EP400: variants seen among roughly 807,000 people sequenced by gnomAD.
EP400 encodes E1A binding protein p400.
A neutral mutation model predicts 354.1 loss-of-function variants in EP400; 105 were observed. That is an observed-to-expected ratio of 0.30 (90% CI 0.25 to 0.35). The LOEUF is 0.35. EP400 is among the 10% of genes least tolerant of loss of function. The pLI is 1.00. For missense variants in EP400, 3,280 were observed against 4,121.0 expected (o/e 0.80, Z 5.59); for synonymous variants, 1,646 against 1,716.9 (o/e 0.96, Z 1.02).
rs1190569267 is a variant in EP400, at chr12:132,013,708, T to C, written c.3786+44T>C. ...TTTCAGTTAATTAATTAAACATGCG[T>C]ATGCCTTGTTATAAACGTGTTACAG... On this transcript the variant is annotated intron_variant, in intron 18 of 52. Transcript: ENST00000389561. This position sits in a 1 kb window ranked among gnomAD's most constrained non-coding sequence, Gnocchi z 4.5. 2 of 1,608,478 alleles carry C rather than the reference T, an allele frequency of 1.2e-6. No individual in the cohort carries two copies. Among genetic ancestry groups the C allele is most frequent in the African/African-American group, 2.7e-5 (2 of 74,706 alleles).
intron 2 of EP400, among the ~76,000 whole-genome samples, chr12:131,964,805 GATAA>G (rs1892021457): frequency 6.6e-6 from 1 of 152,194 alleles, no homozygotes; most frequent in Non-Finnish European, 1.5e-5. Flanking sequence ...ACAGTACAGT[GATAA>G]ATATCAGGAA....
chr12:131,979,570 G>A (rs1892608722), intron 2 of EP400, 124 bp from the exon 3 acceptor site: 3 of 717,430 alleles, frequency 4.2e-6, no homozygotes, highest in Non-Finnish European at 6.7e-6. Flanking sequence ...AAGACACGGG[G>A]TAGATAACAT....
intron 10 of EP400, among the ~76,000 whole-genome samples, 153 bp from the exon 11 acceptor site, chr12:131,992,020 C>T (rs919475221): frequency 5.9e-5 from 9 of 152,234 alleles, no homozygotes; most frequent in South Asian, 2.1e-4. Flanking sequence ...CTCGCTCCCC[C>T]GCTGCCCTGC....
Position 132,050,885 on chromosome 12 carries a change from C to T in EP400, c.7394+230C>T, listed in dbSNP as rs1443453521. The T allele has an allele frequency of 2.0e-5, 12 of 591,650 alleles. No individual in the cohort carries two copies. The Admixed American group carries it at 3.6e-4, about 18-fold the overall frequency. The allele number at this position is 591,650 out of a possible 1,614,324, so 36.7% of individuals were successfully genotyped here. On this transcript the variant is annotated intron_variant, in intron 41 of 52. Coordinates refer to ENST00000389561, the MANE Select transcript of EP400 (RefSeq NM_015409.5). This position sits in a 1 kb window ranked among gnomAD's most constrained non-coding sequence, Gnocchi z 4.8. ...GTGTTACAGGGATTGTCCTTGCTGG[C>T]CCTCAGTGGGGAAAGACGCTGACAG...
At chr12:132,048,150 AATC>A (rs921824325) in intron 39 of EP400, among the ~76,000 whole-genome samples, 1 of 152,174 alleles carries the variant, frequency 6.6e-6, no homozygotes, top group African/African-American at 2.4e-5. Flanking sequence ...CAGTTAACAA[AATC>A]ATCACAGGGT....
At chr12:131,992,013 G>A (rs774195035) in intron 10 of EP400, among the ~76,000 whole-genome samples, 160 bp from the exon 11 acceptor site, 1 of 152,192 alleles carries the variant, frequency 6.6e-6, no homozygotes, top group South Asian at 2.1e-4. Flanking sequence ...TCATGTCCTC[G>A]CTCCCCCGCT....
At chr12:131,953,234 G>A (rs941275709) in intron 1 of EP400, among the ~76,000 whole-genome samples, 3 of 152,292 alleles carry the variant, frequency 2.0e-5, no homozygotes, top group African/African-American at 7.2e-5. Context: ...TTATACAGAT[G>A]TTCCTTAGCG....
chr12:131,995,201 C>G (rs773557066), intron 12 of EP400, among the ~76,000 whole-genome samples: 7 of 152,324 alleles, frequency 4.6e-5, no homozygotes, highest in Non-Finnish European at 8.8e-5. Flanking sequence ...CTGAATGTAC[C>G]GTTCATCTTG....
At position 132,025,104 on chromosome 12, in the gene EP400, C is replaced by G. The variant is rs745944603; in HGVS notation, c.4856-542C>G. Among the ~76,000 whole-genome samples the G allele has an allele frequency of 2.6e-5, 4 of 151,742 alleles. No homozygotes were observed. Among genetic ancestry groups the G allele is most frequent in the Admixed American group, 6.6e-5 (1 of 15,238 alleles). On this transcript the variant is annotated intron_variant, in intron 24 of 52. Transcript: ENST00000389561. The surrounding 1 kb of genome is among the most constrained non-coding windows in gnomAD (Gnocchi z 4.1). ...ACAAAACAAAACATTTTTTGGCCCACAGAGGCTGGGTCGCTTGGTAACATC... is the reference window on the plus strand; with the variant it reads ...ACAAAACAAAACATTTTTTGGCCCAGAGAGGCTGGGTCGCTTGGTAACATC...
chr12:131,972,795 G>A (rs559662031), intron 2 of EP400, among the ~76,000 whole-genome samples: 4 of 142,592 alleles, frequency 2.8e-5, no homozygotes, highest in African/African-American at 5.4e-5. Context: ...GCAGTGGCGC[G>A]ATCTCGACTC....
At chr12:131,964,516 A>G (rs887714766) in intron 2 of EP400, among the ~76,000 whole-genome samples, 4 of 152,106 alleles carry the variant, frequency 2.6e-5, no homozygotes, top group Admixed American at 1.3e-4. Flanking sequence ...TCAAATTTCT[A>G]CTAGCTTTGG....
At chr12:131,955,067 A>G (rs1454536330) in intron 1 of EP400, among the ~76,000 whole-genome samples, 1 of 152,174 alleles carries the variant, frequency 6.6e-6, no homozygotes, top group Admixed American at 6.6e-5. Context: ...TTAAAATTAG[A>G]AACTTAGTCG....
intron 51 of EP400, among the ~76,000 whole-genome samples, chr12:132,073,272 A>G (rs1896118940): frequency 6.7e-6 from 1 of 148,532 alleles, no homozygotes; most frequent in Non-Finnish European, 1.5e-5. Context: ...GCCAGTGAAA[A>G]ATTATATATT....
At chr12:131,985,014 T>G (rs747863834) in intron 5 of EP400, among the ~76,000 whole-genome samples, 8 of 151,414 alleles carry the variant, frequency 5.3e-5, no homozygotes, top group Non-Finnish European at 1.2e-4. Context: ...CTTAGGCAAC[T>G]GTTTTTTTTT....
At position 132,076,563 on chromosome 12, in the gene EP400, C is replaced by T; in HGVS notation, c.9069C>T (p.Ser3023=). 2 of 1,613,072 alleles carry T rather than the reference C, an allele frequency of 1.2e-6. No homozygotes were observed. Among genetic ancestry groups the T allele is most frequent in the Non-Finnish European group, 1.7e-6 (2 of 1,179,086 alleles). Residue 3023 remains serine (S), a synonymous_variant, in exon 52 of 53, where the codon AGC becomes AGT. Transcript: ENST00000389561. ...TTCAACAGCAAACACCCGTGGCCAGCATCCAGCAAGTTGCCTCTGCTTCCC... is the reference window on the plus strand; with the variant it reads ...TTCAACAGCAAACACCCGTGGCCAGTATCCAGCAAGTTGCCTCTGCTTCCC... The part of the protein sequence containing the change: ...QVVQQQTPVA[S]IQQVASASQQ...
intron 16 of EP400, among the ~76,000 whole-genome samples, chr12:132,011,956 T>A (rs1893781651): frequency 1.3e-5 from 2 of 152,234 alleles, no homozygotes; most frequent in South Asian, 4.1e-4. Context: ...GAGGCCCTGC[T>A]GGCTTCCACA....
At chr12:132,039,173 C>T (rs180676997) in intron 32 of EP400, among the ~76,000 whole-genome samples, 241 of 152,276 alleles carry the variant, frequency 1.6e-3, no homozygotes, top group South Asian at 2.9e-3. Context: ...CTAAACATTA[C>T]TCAGTTACTG....
Position 131,986,590 on chromosome 12 carries a change from C to T in EP400, c.2006C>T (p.Ser669Phe). 6.2e-7 allele frequency: 1 copy of T among 1,614,096 alleles called. No individual in the cohort carries two copies. ...CCTCTGCCCACCTCTTCTACCTCGT[C>T]CCTCGCGCCTGTGAGTGGCTCCGGC... Reference protein sequence around the residue: ...PRPLPTSSTSSLAPVSGSGPG... With the variant: ...PRPLPTSSTSFLAPVSGSGPG... The change falls in exon 6 of 53, where the codon TCC becomes TTC. Residue 669 changes from serine (S) to phenylalanine (F), a missense_variant. By Grantham distance (155) the Ser-to-Phe change is radical (BLOSUM62 -2). This residue lies in a region of EP400 where 800 missense variants were observed against 840.0 expected (regional missense o/e 0.95). Transcript: ENST00000389561.
intron 45 of EP400, 115 bp downstream of exon 45, chr12:132,055,323 G>T (rs1895449121): frequency 1.1e-6 from 1 of 884,820 alleles, no homozygotes; most frequent in Admixed American, 2.9e-5. Context: ...AAACTGTCTA[G>T]TTTGAATTTC....
Sources: gnomAD v4.1 joint callset for allele counts (sites outside exome capture counted in the v4.1 genomes callset) on GRCh38, gnomAD v4.1.1 for gene constraint, gnomAD v4.1.1 regional missense constraint, Gnocchi (gnomAD v3.1) non-coding constraint, MANE v1.5 for transcripts, NCBI Gene and HGNC (gene_info 2026-07-23, HGNC 2026-07-21) for gene names.